The following FAM13A variants were observed in gnomAD, a reference collection of about 807,000 sequenced individuals.
The protein encoded by FAM13A is family with sequence similarity 13 member A.
Under a neutral mutation model 129.6 loss-of-function variants are expected in FAM13A, and 76 were observed. The observed-to-expected ratio is 0.59, with a 90% CI of 0.49 to 0.71. The LOEUF (loss-of-function observed/expected upper bound fraction) is 0.71. Ranked by LOEUF, FAM13A falls within the 30% of genes least tolerant of loss-of-function variation. FAM13A has a pLI of 0.00. For synonymous variants in FAM13A, 443 were observed against 449.9 expected (o/e 0.98, Z 0.20); for missense variants, 1,108 against 1,249.3 (o/e 0.89, Z 1.70).
At position 88,753,759 on chromosome 4, in the gene FAM13A, T is replaced by C. The variant is rs114645554; in HGVS notation, c.1727-3122A>G. On this transcript the variant is annotated intron_variant, in intron 14 of 23. Transcript: ENST00000264344. The stretch of plus-strand genomic sequence containing the variant: ...CAATAAAACTGTTCCCCATTTTAGT[T>C]TGAAATGATCTAAAAGCACAAGGCT... 2.9e-3 allele frequency: 687 copies of C among 233,292 alleles called. 11 individuals are homozygous for C. Among genetic ancestry groups the C allele is most frequent in the African/African-American group, 0.015 (645 of 43,032 alleles). The allele number at this position is 233,292 out of a possible 1,614,324, so 14.5% of individuals were successfully genotyped here.
intron 5 of FAM13A, among the ~76,000 whole-genome samples, chr4:88,915,576 T>A (rs1749977376): frequency 6.6e-6 from 1 of 152,276 alleles, no homozygotes; most frequent in South Asian, 2.1e-4. Flanking sequence ...CTATTAAAAA[T>A]TGCCCTACAG....
At chr4:88,862,640 C>A (rs1395679843) in intron 6 of FAM13A, among the ~76,000 whole-genome samples, 1 of 152,120 alleles carries the variant, frequency 6.6e-6, no homozygotes, top group Non-Finnish European at 1.5e-5. Context: ...ACATACATAC[C>A]TTTCATCTTC....
intron 3 of FAM13A, among the ~76,000 whole-genome samples, chr4:89,004,103 T>G (rs919174634): frequency 3.3e-5 from 5 of 152,058 alleles, no homozygotes; most frequent in African/African-American, 9.7e-5. Context: ...AATTATATAG[T>G]CATAAGCTAC....
chr4:89,055,086 T>G (rs1772051982), intron 1 of FAM13A, among the ~76,000 whole-genome samples: 1 of 152,240 alleles, frequency 6.6e-6, no homozygotes, highest in South Asian at 2.1e-4. Context: ...ATTAATCTAT[T>G]GCCAATTGTT....
At chr4:88,977,189 A>T (rs1301349102) in intron 4 of FAM13A, among the ~76,000 whole-genome samples, 1 of 152,210 alleles carries the variant, frequency 6.6e-6, no homozygotes, top group Non-Finnish European at 1.5e-5. Flanking sequence ...TGCCATCATG[A>T]CTACTCTTGC....
intron 2 of FAM13A, among the ~76,000 whole-genome samples, chr4:89,021,175 T>G (rs772471131): frequency 1.6e-4 from 24 of 152,228 alleles, no homozygotes; most frequent in Non-Finnish European, 3.2e-4. Context: ...CAAAGTGGTA[T>G]AAGACAAGAT....
At chr4:89,037,243 G>A (rs1040136293) in intron 1 of FAM13A, among the ~76,000 whole-genome samples, 2 of 152,218 alleles carry the variant, frequency 1.3e-5, no homozygotes, top group Non-Finnish European at 2.9e-5. Context: ...GGGCAGAGAT[G>A]CCCAAGTCCT....
At chr4:88,977,238 C>A (rs559563347) in intron 4 of FAM13A, among the ~76,000 whole-genome samples, 1 of 152,264 alleles carries the variant, frequency 6.6e-6, no homozygotes, top group Non-Finnish European at 1.5e-5. Flanking sequence ...TACTTGAACA[C>A]AAGCCCTGAA....
chr4:88,875,890 C>T (rs955637564), intron 6 of FAM13A, among the ~76,000 whole-genome samples: 10 of 152,122 alleles, frequency 6.6e-5, no homozygotes, highest in African/African-American at 2.4e-4. Context: ...TGAAACCAAC[C>T]CAAATGTCCA....
At chr4:89,053,775 A>G (rs551629722) in intron 1 of FAM13A, among the ~76,000 whole-genome samples, 1 of 151,974 alleles carries the variant, frequency 6.6e-6, no homozygotes, top group Admixed American at 6.6e-5. Flanking sequence ...CATAATATCC[A>G]GAGTATAAGA....
At chr4:88,853,508 A>G (rs183916767) in intron 6 of FAM13A, among the ~76,000 whole-genome samples, 1 of 152,340 alleles carries the variant, frequency 6.6e-6, no homozygotes, top group African/African-American at 2.4e-5. Context: ...GACATGAAAA[A>G]TCAATAAAAC....
intron 3 of FAM13A, among the ~76,000 whole-genome samples, chr4:89,016,778 G>C (rs1448208681): frequency 3.3e-5 from 5 of 152,178 alleles, no homozygotes; most frequent in African/African-American, 1.2e-4. Flanking sequence ...GGGACTACAG[G>C]TGCATGCCTC....
intron 5 of FAM13A, among the ~76,000 whole-genome samples, chr4:88,933,954 G>T (rs75147844): frequency 0.03 from 4,536 of 152,112 alleles, 100 homozygotes; most frequent in Non-Finnish European, 0.037. Flanking sequence ...TTCCTTTGTG[G>T]CCTCATTTCG....
intron 1 of FAM13A, among the ~76,000 whole-genome samples, chr4:89,034,365 CA>C (rs958779654): frequency 1.2e-4 from 19 of 152,076 alleles, no homozygotes; most frequent in African/African-American, 4.6e-4. Context: ...AAATCAAAAC[CA>C]CAATGAGATC....
chr4:88,747,424 G>C (rs1414991154), intron 18 of FAM13A, among the ~76,000 whole-genome samples: 1 of 152,172 alleles, frequency 6.6e-6, no homozygotes, highest in Non-Finnish European at 1.5e-5. Context: ...CTATACAATA[G>C]AGTTTTGTTT....
At position 88,829,103 on chromosome 4, in the gene FAM13A, A is replaced by C. The variant is rs565863833; in HGVS notation, c.1007+21917T>G. 1.1e-4 allele frequency among the ~76,000 whole-genome samples: 16 copies of C among 152,358 alleles called. No individual in the cohort carries two copies. The South Asian group carries it at 3.1e-3, about 30-fold the overall frequency. On this transcript the variant is annotated intron_variant, in intron 7 of 23. Coordinates refer to ENST00000264344, the MANE Select transcript of FAM13A (RefSeq NM_014883.4). ...TCTTTTAATTTCAACATCAAGTGAA[A>C]ACAACCAAAGAACCAAGAACATTTC... is the stretch of plus-strand genomic sequence containing the variant.
At chr4:88,938,292 C>A in intron 4 of FAM13A, 51 bp from the exon 5 acceptor site, 2 of 1,417,054 alleles carry the variant, frequency 1.4e-6, no homozygotes, top group Non-Finnish European at 9.7e-7. Context: ...CACAACAGTG[C>A]CTGCTAGCTG....
chr4:88,731,841 T>TA (rs1173618504), intron 22 of FAM13A, 161 bp downstream of exon 22: 2 of 621,782 alleles, frequency 3.2e-6, no homozygotes, highest in East Asian at 5.7e-5. Flanking sequence ...CTGAAGCATA[T>TA]AAAAAAAGAA....
At chr4:88,991,379 A>G (rs1283912342) in intron 3 of FAM13A, among the ~76,000 whole-genome samples, 1 of 152,166 alleles carries the variant, frequency 6.6e-6, no homozygotes, top group Non-Finnish European at 1.5e-5. Flanking sequence ...CGGAGCTCGC[A>G]GTGAGCCGAG....
Sources: allele counts gnomAD v4.1 joint callset (sites outside exome capture counted in the v4.1 genomes callset), GRCh38; gene constraint gnomAD v4.1.1; transcripts MANE v1.5; gene names NCBI Gene and HGNC (gene_info 2026-07-23, HGNC 2026-07-21).